The following MAP7 variants were observed in gnomAD, a reference collection of about 807,000 sequenced individuals.
MAP7 encodes the protein ensconsin.
In MAP7, 52 loss-of-function variants were observed where a neutral mutation model predicts 94.8. That is an observed-to-expected ratio of 0.55 (90% confidence interval 0.44 to 0.69). The LOEUF is 0.69. Among genes scored for constraint, MAP7 ranks in the 30% least tolerant of loss-of-function variants. The pLI, the probability that MAP7 is intolerant of heterozygous loss-of-function variation, is 0.00. For missense variants in MAP7, 940 were observed against 964.6 expected, an observed-to-expected ratio of 0.97 and a Z score of 0.34; for synonymous variants, 350 against 357.0, an observed-to-expected ratio of 0.98 and a Z score of 0.22.
intron 3 of MAP7, among the ~76,000 whole-genome samples, chr6:136,392,753 T>C (rs575413564): frequency 1.3e-5 from 2 of 152,290 alleles, no homozygotes; most frequent in African/African-American, 4.8e-5. Flanking sequence ...CAGTGTATGA[T>C]GGTCATAGGC....
chr6:136,545,769 T>C (rs956461355), intron 1 of MAP7, among the ~76,000 whole-genome samples: 1 of 152,154 alleles, frequency 6.6e-6, no homozygotes, highest in African/African-American at 2.4e-5. Context: ...TTTAATTTTT[T>C]TTTATTTTTG....
Position 136,499,217 on chromosome 6 carries a change from G to A in MAP7, c.67+51125C>T, listed in dbSNP as rs141201960. ...TTACAGGCATAAGCCATCCTGTCCGGCCTGAGATTTCTTAGCTCTGGCCTC... is the reference window on the plus strand; with the variant it reads ...TTACAGGCATAAGCCATCCTGTCCGACCTGAGATTTCTTAGCTCTGGCCTC... On this transcript the variant is annotated intron_variant, in intron 1 of 17. Transcript: ENST00000354570. Among the ~76,000 whole-genome samples, 32 of 152,212 alleles carry A rather than the reference G, an allele frequency of 2.1e-4. No individual in the cohort carries two copies. In the East Asian group the frequency reaches 6.0e-3, roughly 28 times the overall value.
At chr6:136,532,453 A>G (rs1400303594) in intron 1 of MAP7, among the ~76,000 whole-genome samples, 5 of 152,188 alleles carry the variant, frequency 3.3e-5, no homozygotes, top group African/African-American at 1.2e-4. Flanking sequence ...ATATGGAAGA[A>G]TTTACACTTT....
chr6:136,383,221 TA>T (rs1778284748), intron 6 of MAP7, among the ~76,000 whole-genome samples: 1 of 152,180 alleles, frequency 6.6e-6, no homozygotes, highest in African/African-American at 2.4e-5. Flanking sequence ...AAATGAGAAG[TA>T]AATTGGCAAA....
chr6:136,437,016 G>C (rs1796547452), intron 1 of MAP7, among the ~76,000 whole-genome samples: 1 of 152,220 alleles, frequency 6.6e-6, no homozygotes, highest in Non-Finnish European at 1.5e-5. Context: ...AGTCCACAAA[G>C]CAGGAGTCAG....
intron 1 of MAP7, among the ~76,000 whole-genome samples, chr6:136,456,782 A>G (rs1387485544): frequency 1.5e-3 from 104 of 71,510 alleles, no homozygotes; most frequent in African/African-American, 4.1e-3. Flanking sequence ...AAGAAGAAGA[A>G]GAAGAAGAAG....
intron 1 of MAP7, among the ~76,000 whole-genome samples, chr6:136,520,211 A>G (rs1825980670): frequency 6.6e-6 from 1 of 151,008 alleles, no homozygotes; most frequent in Non-Finnish European, 1.5e-5. Flanking sequence ...AAAAAAAAAA[A>G]AAAAAGGGGG....
chr6:136,494,421 T>C (rs905956791), intron 1 of MAP7, among the ~76,000 whole-genome samples: 1 of 152,212 alleles, frequency 6.6e-6, no homozygotes, highest in Non-Finnish European at 1.5e-5. Flanking sequence ...GTAAGATATA[T>C]GGTTTTCTGG....
chr6:136,353,012 C>T (rs1789669292), intron 16 of MAP7, among the ~76,000 whole-genome samples: 1 of 152,166 alleles, frequency 6.6e-6, no homozygotes, highest in Admixed American at 6.5e-5. Flanking sequence ...GGCTACATAT[C>T]ACAAACTGTG....
At chr6:136,391,353 A>T (rs530607099) in intron 3 of MAP7, among the ~76,000 whole-genome samples, 1 of 138,102 alleles carries the variant, frequency 7.2e-6, no homozygotes, top group Non-Finnish European at 1.5e-5. Context: ...TTGAACAATG[A>T]GATCACATGG....
chr6:136,385,284 C>T (rs1778898701), intron 5 of MAP7, among the ~76,000 whole-genome samples: 1 of 151,806 alleles, frequency 6.6e-6, no homozygotes, highest in Admixed American at 6.6e-5. Flanking sequence ...AAAAAAACCA[C>T]TTCTGTGCCT....
At chr6:136,525,563 G>T (rs1827594809) in intron 1 of MAP7, among the ~76,000 whole-genome samples, 2 of 152,180 alleles carry the variant, frequency 1.3e-5, no homozygotes, top group Non-Finnish European at 2.9e-5. Flanking sequence ...AAGTGAGCAT[G>T]GGAAAAATTA....
At chr6:136,458,512 T>C (rs1313645312) in intron 1 of MAP7, among the ~76,000 whole-genome samples, 2 of 152,074 alleles carry the variant, frequency 1.3e-5, no homozygotes, top group East Asian at 1.9e-4. Context: ...CACTTTTCTA[T>C]TTCAAAGTAG....
intron 1 of MAP7, among the ~76,000 whole-genome samples, chr6:136,522,227 A>T (rs1172816537): frequency 2.0e-5 from 3 of 152,186 alleles, no homozygotes; most frequent in African/African-American, 7.2e-5. Context: ...GTTCCGAGGT[A>T]TAAGAGCATC....
Position 136,359,729 on chromosome 6 carries a change from T to C in MAP7, c.1912+91A>G, listed in dbSNP as rs1268580463. The C allele has an allele frequency of 2.1e-5, 26 of 1,232,506 alleles. No individual in the cohort carries two copies. In the East Asian group the frequency reaches 6.1e-4, roughly 29 times the overall value. The allele number at this position is 1,232,506 out of a possible 1,614,324, so 76.3% of individuals were successfully genotyped here. On this transcript the variant is annotated intron_variant, in intron 15 of 17. Transcript: ENST00000354570. ...GAGTCTGTAAGCACTGGATCTTTTTTCCCTCCATCAATTCCTGAATATCTT... is the reference window on the plus strand; with the variant it reads ...GAGTCTGTAAGCACTGGATCTTTTTCCCCTCCATCAATTCCTGAATATCTT...
At chr6:136,441,651 C>A (rs962755722) in intron 1 of MAP7, among the ~76,000 whole-genome samples, 1 of 152,082 alleles carries the variant, frequency 6.6e-6, no homozygotes, top group Non-Finnish European at 1.5e-5. Context: ...GTTTTATGGT[C>A]CCCAGAGATG....
At chr6:136,536,970 T>A (rs1395637943) in intron 1 of MAP7, among the ~76,000 whole-genome samples, 2 of 152,168 alleles carry the variant, frequency 1.3e-5, no homozygotes, top group African/African-American at 4.8e-5. Context: ...GCCCCTTCCT[T>A]CTGGCATTTC....
chr6:136,522,903 C>T (rs1826808839), intron 1 of MAP7, among the ~76,000 whole-genome samples: 1 of 152,092 alleles, frequency 6.6e-6, no homozygotes, highest in Admixed American at 6.5e-5. Flanking sequence ...GGTGTGGTGG[C>T]ATGTGCCTGT....
chr6:136,491,152 T>C (rs940807591), intron 1 of MAP7, among the ~76,000 whole-genome samples: 1 of 152,238 alleles, frequency 6.6e-6, no homozygotes, highest in South Asian at 2.1e-4. Flanking sequence ...TGTTTTTAAC[T>C]GGTAGCATTT....
Sources: gnomAD v4.1 joint callset for allele counts (sites outside exome capture counted in the v4.1 genomes callset) on GRCh38, gnomAD v4.1.1 for gene constraint, MANE v1.5 for transcripts, NCBI Gene and HGNC (gene_info 2026-07-23, HGNC 2026-07-21) for gene names.